The following MCTP1 variants were observed in gnomAD, a reference collection of about 807,000 sequenced individuals.
MCTP1 encodes multiple C2 and transmembrane domain containing 1, also known as multiple C2 and transmembrane domain-containing protein 1.
Under a neutral mutation model 120.6 loss-of-function variants are expected in MCTP1, and 69 were observed. The observed-to-expected ratio is 0.57, with a 90% CI of 0.47 to 0.70. The LOEUF is 0.70. Among genes scored for constraint, MCTP1 ranks in the 30% least tolerant of loss-of-function variants. MCTP1 has a pLI of 0.00. For synonymous variants in MCTP1, 529 were observed against 493.1 expected (o/e 1.07, Z -0.96); for missense variants, 1,203 against 1,248.8 (o/e 0.96, Z 0.55).
At chr5:95,258,803 TAA>T (rs1758157467) in intron 1 of MCTP1, among the ~76,000 whole-genome samples, 1 of 152,162 alleles carries the variant, frequency 6.6e-6, no homozygotes, top group South Asian at 2.1e-4. Context: ...TGTCAACAAT[TAA>T]CCCCTGAGGA....
chr5:94,828,237 G>A (rs950778602), intron 17 of MCTP1, among the ~76,000 whole-genome samples: 7 of 152,206 alleles, frequency 4.6e-5, no homozygotes, highest in African/African-American at 1.7e-4. Context: ...GTCTGCTGGA[G>A]TTTGCTGGGG....
chr5:95,087,086 A>G (rs1469233272), intron 1 of MCTP1, among the ~76,000 whole-genome samples: 1 of 152,192 alleles, frequency 6.6e-6, no homozygotes, highest in Non-Finnish European at 1.5e-5. Context: ...GAAATAGAGA[A>G]GCGTGGCCAG....
chr5:94,710,054 G>C (rs1756277321), intron 21 of MCTP1: 1 of 152,078 alleles, frequency 6.6e-6, no homozygotes, highest in Non-Finnish European at 1.5e-5. Context: ...AAGCAGGTGA[G>C]GGGTAAGTAG....
intron 1 of MCTP1, among the ~76,000 whole-genome samples, chr5:95,043,093 A>G: frequency 6.6e-6 from 1 of 152,182 alleles, no homozygotes; most frequent in Non-Finnish European, 1.5e-5. Context: ...ATATCCCACC[A>G]GCTTACATTC....
chr5:95,251,147 T>C (rs1272607926), intron 1 of MCTP1, among the ~76,000 whole-genome samples: 2 of 152,072 alleles, frequency 1.3e-5, no homozygotes, highest in Non-Finnish European at 2.9e-5. Flanking sequence ...CATGGGCGGC[T>C]GGTGAGGTTT....
intron 17 of MCTP1, among the ~76,000 whole-genome samples, chr5:94,811,645 T>G (rs1580809310): frequency 6.6e-6 from 1 of 152,350 alleles, no homozygotes; most frequent in East Asian, 1.9e-4. Flanking sequence ...GCGTATCATT[T>G]GCAATGCTGC....
chr5:94,909,385 GA>G lies in MCTP1; in HGVS notation c.1522-5del, dbSNP rs35204683. 14,545 of 1,545,026 alleles carry G rather than the reference GA, an allele frequency of 9.4e-3. 164 individuals carry two copies. Among genetic ancestry groups the G allele is most frequent in the East Asian group, 0.045 (1,901 of 42,048 alleles). ...GATTCAACGTTTTTGGCATAATCTG[GA>G]AAAAAAAATCATAATTGTCATATTG... On this transcript the variant is annotated splice_polypyrimidine_tract_variant and splice_region_variant and intron_variant, in intron 9 of 22. Coordinates refer to ENST00000515393, the MANE Select transcript of MCTP1 (RefSeq NM_024717.7).
rs766064092 is a variant in MCTP1, at chr5:95,191,417, T to C, written c.720+92439A>G. On this transcript the variant is annotated intron_variant, in intron 1 of 22. Transcript: ENST00000515393. ...AATGCTAATAAAGTATGACAGTATA[T>C]TACAATCTATAGTTACACTATCTTC... is the stretch of plus-strand genomic sequence containing the variant. 1.3e-5 allele frequency among the ~76,000 whole-genome samples: 2 copies of C among 152,000 alleles called. 1 individual carries two copies. The highest frequency in any genetic ancestry group is 2.9e-5 in the Non-Finnish European group (2 of 67,888).
At chr5:94,890,389 A>G (rs1032241248) in intron 11 of MCTP1, among the ~76,000 whole-genome samples, 2 of 151,990 alleles carry the variant, frequency 1.3e-5, no homozygotes, top group African/African-American at 4.8e-5. Context: ...TAAACTAATT[A>G]TTTTTTTCTA....
At chr5:94,767,582 A>T (rs1773080202) in intron 19 of MCTP1, among the ~76,000 whole-genome samples, 1 of 152,230 alleles carries the variant, frequency 6.6e-6, no homozygotes, top group Non-Finnish European at 1.5e-5. Context: ...ATGCAAAATC[A>T]ACATACAAAA....
intron 1 of MCTP1, among the ~76,000 whole-genome samples, chr5:95,162,180 C>G (rs1745816262): frequency 6.6e-6 from 1 of 152,074 alleles, no homozygotes; most frequent in Non-Finnish European, 1.5e-5. Flanking sequence ...TGGAGACAAA[C>G]CCATAATGTT....
chr5:94,875,147 G>GA (rs1798573875), intron 12 of MCTP1, among the ~76,000 whole-genome samples: 1 of 152,080 alleles, frequency 6.6e-6, no homozygotes, highest in Non-Finnish European at 1.5e-5. Context: ...AATACTATGG[G>GA]AAAAAACAAA....
rs567268604 is a variant in MCTP1 at position 94,955,176 on chromosome 5, C to T, written c.839-1815G>A. On this transcript the variant is annotated intron_variant, in intron 2 of 22. Transcript: ENST00000515393. ...GGAAGTGCAAGGGTTCGGGGAACTC[C>T]TTCCCCTACCCAAGGAAAGCTGTGA... 7.2e-5 allele frequency among the ~76,000 whole-genome samples: 11 copies of T among 152,300 alleles called. No individual in the cohort carries two copies. The South Asian group carries it at 2.1e-3, about 29-fold the overall frequency.
At position 94,704,915 on chromosome 5, in the gene MCTP1, GAA is replaced by G. The variant is rs1302977445; in HGVS notation, c.*2579_*2580del. 4.0e-5 allele frequency: 6 copies of G among 151,148 alleles called. No individual in the cohort carries two copies. Among genetic ancestry groups the G allele is most frequent in the Admixed American group, 4.0e-4 (6 of 15,152 alleles). 9.4% of individuals were successfully genotyped at this position (151,148 alleles called of 1,614,324 possible). ...TCTGGAACAGTACCAGAATGAATGA[GAA>G]GTACTATTATGTTCTTTTTGATAAG... On this transcript the variant is annotated 3_prime_UTR_variant, in exon 23 of 23. Coordinates refer to ENST00000515393, the MANE Select transcript of MCTP1 (RefSeq NM_024717.7).
chr5:94,968,954 T>A (rs143029129), intron 2 of MCTP1, among the ~76,000 whole-genome samples: 78 of 152,348 alleles, frequency 5.1e-4, no homozygotes, highest in African/African-American at 1.8e-3. Context: ...AATGTCATAT[T>A]CAAGAACAAC....
At chr5:95,210,359 T>C (rs1178904804) in intron 1 of MCTP1, among the ~76,000 whole-genome samples, 2 of 150,938 alleles carry the variant, frequency 1.3e-5, no homozygotes, top group Non-Finnish European at 1.5e-5. Context: ...TGGGTGCTCC[T>C]GTATTGGGTG....
chr5:95,055,457 C>T (rs1022329746), intron 1 of MCTP1, among the ~76,000 whole-genome samples: 7 of 152,176 alleles, frequency 4.6e-5, no homozygotes, highest in Admixed American at 2.0e-4. Context: ...GTGCCAGGCA[C>T]TTTTCTAAGC....
intron 19 of MCTP1, among the ~76,000 whole-genome samples, chr5:94,775,908 CAACT>C (rs894656910): frequency 6.8e-6 from 1 of 147,606 alleles, no homozygotes; most frequent in Admixed American, 6.8e-5. Flanking sequence ...GAATAAAAAA[CAACT>C]AATATATATA....
chr5:95,092,365 G>GAGATA (rs1755909867), intron 1 of MCTP1, among the ~76,000 whole-genome samples: 1 of 152,300 alleles, frequency 6.6e-6, no homozygotes, highest in East Asian at 1.9e-4. Flanking sequence ...AAAACACTTG[G>GAGATA]AGATATAGCC....
Sources: gnomAD v4.1 joint callset for allele counts (sites outside exome capture counted in the v4.1 genomes callset) on GRCh38, gnomAD v4.1.1 for gene constraint, MANE v1.5 for transcripts, NCBI Gene and HGNC (gene_info 2026-07-23, HGNC 2026-07-21) for gene names.